CTTNBP2NL: variants seen among roughly 807,000 people sequenced by gnomAD.
The protein encoded by CTTNBP2NL is CTTNBP2 N-terminal like.
In CTTNBP2NL, 16 loss-of-function variants were observed where a neutral mutation model predicts 32.5. That is an observed-to-expected ratio of 0.49 (90% CI 0.33 to 0.75). The LOEUF (loss-of-function observed/expected upper bound fraction) is 0.75, where lower values mean the gene tolerates loss of function less well. Among genes scored for constraint, CTTNBP2NL ranks in the 30% least tolerant of loss-of-function variants. The pLI is 0.02. For missense variants in CTTNBP2NL, 645 were observed against 756.0 expected (o/e 0.85, Z 1.72); for synonymous variants, 298 against 289.4 (o/e 1.03, Z -0.30).
chr1:112,405,421 C>A (rs7543369), intron 1 of CTTNBP2NL, among the ~76,000 whole-genome samples: 1 of 152,188 alleles, frequency 6.6e-6, no homozygotes, highest in Non-Finnish European at 1.5e-5. Context: ...CCTCAGCCAC[C>A]TGAGAAGCTG....
chr1:112,445,782 G>T (rs373237523), intron 3 of CTTNBP2NL, among the ~76,000 whole-genome samples: 1 of 152,170 alleles, frequency 6.6e-6, no homozygotes, highest in African/African-American at 2.4e-5. Flanking sequence ...TAACTCTGTG[G>T]TGCTTATTAA....
At chr1:112,395,976 C>T (rs1043033714), upstream of CTTNBP2NL, among the ~76,000 whole-genome samples, 2 of 152,252 alleles carry the variant, frequency 1.3e-5, no homozygotes, top group Admixed American at 6.5e-5. Flanking sequence ...GGGGCGCGAG[C>T]CCACCCTGAA....
intron 3 of CTTNBP2NL, among the ~76,000 whole-genome samples, chr1:112,435,168 T>C (rs1208175957): frequency 1.5e-5 from 2 of 133,202 alleles, no homozygotes; most frequent in Non-Finnish European, 3.2e-5. Context: ...AAAAAAGAAG[T>C]GTACCCAATA....
At chr1:112,412,677 C>T (rs1477658872) in intron 2 of CTTNBP2NL, among the ~76,000 whole-genome samples, 2 of 128,058 alleles carry the variant, frequency 1.6e-5, no homozygotes, top group African/African-American at 3.1e-5. Context: ...AGTACAGTGG[C>T]GTGATTTCGG....
intron 1 of CTTNBP2NL, among the ~76,000 whole-genome samples, chr1:112,405,032 A>C (rs912337064): frequency 6.6e-6 from 1 of 152,078 alleles, no homozygotes; most frequent in Admixed American, 6.5e-5. Context: ...GCGCCATTGC[A>C]CTCCAGGCTG....
chr1:112,410,391 CAAA>C (rs11350803), intron 1 of CTTNBP2NL, among the ~76,000 whole-genome samples: 2 of 127,444 alleles, frequency 1.6e-5, no homozygotes, highest in Admixed American at 7.8e-5. Context: ...AACTCCATCT[CAAA>C]AAAAAAAAAA....
At chr1:112,455,244 G>A (rs545646543) in intron 5 of CTTNBP2NL, among the ~76,000 whole-genome samples, 2 of 152,032 alleles carry the variant, frequency 1.3e-5, no homozygotes, top group Admixed American at 1.3e-4. Context: ...AGTGGTTCAC[G>A]CCTGTAATCC....
At chr1:112,397,192 T>C (rs909438790) in intron 1 of CTTNBP2NL, among the ~76,000 whole-genome samples, 2 of 152,212 alleles carry the variant, frequency 1.3e-5, no homozygotes, top group African/African-American at 4.8e-5. Flanking sequence ...CACCATGTTT[T>C]CAAATGAAAC....
At chr1:112,405,271 G>A (rs895454649) in intron 1 of CTTNBP2NL, among the ~76,000 whole-genome samples, 1 of 152,104 alleles carries the variant, frequency 6.6e-6, no homozygotes, top group Non-Finnish European at 1.5e-5. Context: ...TACCTGAGAT[G>A]GTGTAAACAG....
chr1:112,438,322 C>T (rs113163466), intron 3 of CTTNBP2NL, among the ~76,000 whole-genome samples: 4,278 of 152,118 alleles, frequency 0.028, 212 homozygotes, highest in African/African-American at 0.098. Context: ...AATGGGATTG[C>T]GTTCCTGATT....
chr1:112,420,346 G>T (rs565946880), intron 3 of CTTNBP2NL, among the ~76,000 whole-genome samples: 12 of 151,486 alleles, frequency 7.9e-5, no homozygotes, highest in Non-Finnish European at 1.6e-4. Flanking sequence ...GGGTTTTACC[G>T]TATTGGCCAG....
intron 3 of CTTNBP2NL, among the ~76,000 whole-genome samples, chr1:112,424,122 GTTTTTGT>G (rs1157492349): frequency 1.3e-5 from 2 of 151,754 alleles, no homozygotes; most frequent in African/African-American, 4.8e-5. Context: ...TTTTGTTTTT[GTTTTTGT>G]TTTTTGTTTT....
chr1:112,427,509 T>C (rs1053259593), intron 3 of CTTNBP2NL, among the ~76,000 whole-genome samples: 2 of 152,202 alleles, frequency 1.3e-5, no homozygotes, highest in African/African-American at 4.8e-5. Flanking sequence ...TAAAAATCCA[T>C]TTACGAAACA....
chr1:112,410,341 A>C (rs2483331), intron 1 of CTTNBP2NL, among the ~76,000 whole-genome samples: 19,392 of 151,788 alleles, frequency 0.13, 4,088 homozygotes, highest in African/African-American at 0.44. Context: ...GCGGTGATCA[A>C]GATCGTGCCA....
At chr1:112,444,999 A>G (rs998899827) in intron 3 of CTTNBP2NL, among the ~76,000 whole-genome samples, 6 of 152,310 alleles carry the variant, frequency 3.9e-5, no homozygotes, top group African/African-American at 1.4e-4. Context: ...AGGTTATAAA[A>G]GACATTGGGA....
chr1:112,396,590 C>G (rs956731434), intron 1 of CTTNBP2NL: 2 of 152,488 alleles, frequency 1.3e-5, no homozygotes, highest in Non-Finnish European at 2.9e-5. Context: ...TCACAGGTAC[C>G]GATTCTCTAG....
At chr1:112,410,638 T>C (rs1166333710) in intron 1 of CTTNBP2NL, among the ~76,000 whole-genome samples, 1 of 152,226 alleles carries the variant, frequency 6.6e-6, no homozygotes, top group Non-Finnish European at 1.5e-5. Context: ...GTAGCATTCC[T>C]TAGAAATATC....
chr1:112,395,325 G>T (rs1036059012), upstream of CTTNBP2NL, among the ~76,000 whole-genome samples: 6 of 152,094 alleles, frequency 3.9e-5, no homozygotes, highest in Non-Finnish European at 8.8e-5. Context: ...TTGACCTTAG[G>T]TAGGGATACA....
intron 3 of CTTNBP2NL, among the ~76,000 whole-genome samples, chr1:112,438,762 A>G (rs1192984288): frequency 6.6e-6 from 1 of 152,206 alleles, no homozygotes; most frequent in African/African-American, 2.4e-5. Flanking sequence ...TGGACCTAAC[A>G]GTTGCAGTGG....
Sources: gnomAD v4.1 joint callset for allele counts (sites outside exome capture counted in the v4.1 genomes callset) on GRCh38, gnomAD v4.1.1 for gene constraint, MANE v1.5 for transcripts, NCBI Gene and HGNC (gene_info 2026-07-23, HGNC 2026-07-21) for gene names.